Variants in PDK1 observed in about 807,000 individuals in gnomAD.
The protein encoded by PDK1 is [Pyruvate dehydrogenase (acetyl-transferring)] kinase isozyme 1, mitochondrial.
PDK1 carries 39 observed loss-of-function variants against 54.2 expected under a neutral mutation model. The observed-to-expected ratio is 0.72, with a 90% CI of 0.56 to 0.94. PDK1 has a LOEUF of 0.94. Ranked by LOEUF, PDK1 falls within the 40% of genes least tolerant of loss-of-function variation. The pLI is 0.00. For missense variants in PDK1, 552 were observed against 566.0 expected (o/e 0.98, Z 0.25); for synonymous variants, 221 against 207.1 (o/e 1.07, Z -0.58).
chr2:172,578,586 T>G (rs1048328693), intron 8 of PDK1, among the ~76,000 whole-genome samples: 1 of 152,196 alleles, frequency 6.6e-6, no homozygotes, highest in South Asian at 2.1e-4. Context: ...ATTGACTGAT[T>G]TTTCCTTGCC....
the PDK1 span, among the ~76,000 whole-genome samples, chr2:172,720,556 T>G: frequency 1.6e-3 from 241 of 152,298 alleles, 1 homozygote; most frequent in Non-Finnish European, 2.9e-3. Flanking sequence ...TTTGTTCCTG[T>G]GTGATCCTAC....
At chr2:172,584,509 C>T (rs970372793) in intron 8 of PDK1, among the ~76,000 whole-genome samples, 8 of 151,320 alleles carry the variant, frequency 5.3e-5, no homozygotes, top group Non-Finnish European at 1.0e-4. Context: ...TTAACTAATC[C>T]CCTATTTAGG....
At chr2:172,664,432 G>C in the PDK1 span, among the ~76,000 whole-genome samples, 2 of 151,202 alleles carry the variant, frequency 1.3e-5, no homozygotes, top group African/African-American at 4.9e-5. Flanking sequence ...GGAGGCTTGA[G>C]AGTTTCATTC....
At chr2:172,653,416 A>G in the PDK1 span, among the ~76,000 whole-genome samples, 1 of 152,126 alleles carries the variant, frequency 6.6e-6, no homozygotes, top group Non-Finnish European at 1.5e-5. Flanking sequence ...CAGCCTGGCC[A>G]ACATGGTGAA....
chr2:172,556,797 G>A (rs1688358879), intron 1 of PDK1, among the ~76,000 whole-genome samples: 1 of 152,138 alleles, frequency 6.6e-6, no homozygotes, highest in Non-Finnish European at 1.5e-5. Flanking sequence ...ATTATAACTG[G>A]CCCAGGGTTT....
intron 8 of PDK1, among the ~76,000 whole-genome samples, chr2:172,576,645 A>G (rs1039943507): frequency 2.2e-4 from 33 of 152,158 alleles, no homozygotes; most frequent in African/African-American, 7.7e-4. Flanking sequence ...TGCTTTGTCT[A>G]TCTTACAAGT....
chr2:172,712,566 G>C, the PDK1 span, among the ~76,000 whole-genome samples: 2 of 152,222 alleles, frequency 1.3e-5, no homozygotes, highest in Admixed American at 1.3e-4. Flanking sequence ...CATGAGTGCT[G>C]GCTTCCTGCT....
the PDK1 span, among the ~76,000 whole-genome samples, chr2:172,625,851 C>G: frequency 6.6e-6 from 1 of 152,124 alleles, no homozygotes; most frequent in Non-Finnish European, 1.5e-5. Flanking sequence ...GTATACGTAT[C>G]TATGTCATAT....
intron 2 of PDK1, among the ~76,000 whole-genome samples, 191 bp from the exon 3 acceptor site, chr2:172,562,029 C>T (rs1168948663): frequency 6.6e-6 from 1 of 152,132 alleles, no homozygotes; most frequent in Non-Finnish European, 1.5e-5. Flanking sequence ...AAAATGTGCA[C>T]CTTCTACCAT....
Position 172,589,145 on chromosome 2 carries a change from C to T in PDK1, c.1056+2757C>T, listed in dbSNP as rs186881496. 3.7e-3 allele frequency among the ~76,000 whole-genome samples: 558 copies of T among 152,274 alleles called. 5 individuals carry two copies. Among genetic ancestry groups the T allele is most frequent in the South Asian group, 0.035 (167 of 4,824 alleles). On this transcript the variant is annotated intron_variant, in intron 9 of 10. Coordinates refer to ENST00000282077, the MANE Select transcript of PDK1 (RefSeq NM_002610.5). ...CCATAAGTATGGTCAAGAGAGAGCA[C>T]GTGGTAAAGTAGGTCAGGTATCATG...
chr2:172,696,086 T>C, the PDK1 span, among the ~76,000 whole-genome samples: 3 of 151,124 alleles, frequency 2.0e-5, no homozygotes, highest in East Asian at 3.9e-4. Context: ...GGCACGAGAA[T>C]TCCTTGAACA....
intron 5 of PDK1, among the ~76,000 whole-genome samples, chr2:172,565,613 C>T (rs1688896491): frequency 6.6e-6 from 1 of 152,078 alleles, no homozygotes; most frequent in Non-Finnish European, 1.5e-5. Context: ...GGGTATCTTT[C>T]ACTTAAAAAA....
At chr2:172,695,809 C>G in the PDK1 span, among the ~76,000 whole-genome samples, 1 of 152,012 alleles carries the variant, frequency 6.6e-6, no homozygotes, top group African/African-American at 2.4e-5. Flanking sequence ...AAGATGTCCT[C>G]CAGGCAGCAA....
chr2:172,619,974 G>A, the PDK1 span, among the ~76,000 whole-genome samples: 8 of 152,254 alleles, frequency 5.3e-5, no homozygotes, highest in South Asian at 1.7e-3. Flanking sequence ...AGACCAGCCT[G>A]GCCAACATGG....
chr2:172,611,634 A>G (rs1157786878), downstream of PDK1, among the ~76,000 whole-genome samples: 1 of 152,222 alleles, frequency 6.6e-6, no homozygotes, highest in African/African-American at 2.4e-5. Flanking sequence ...TTTCTCATGA[A>G]CTTAGAGGCA....
chr2:172,566,086 T>C (rs1558931002), intron 5 of PDK1, among the ~76,000 whole-genome samples: 2 of 152,092 alleles, frequency 1.3e-5, no homozygotes, highest in Non-Finnish European at 2.9e-5. Context: ...TGGATAAGAG[T>C]GTTTCCTAAC....
the PDK1 span, among the ~76,000 whole-genome samples, chr2:172,687,841 AG>A: frequency 1.3e-5 from 2 of 152,196 alleles, no homozygotes; most frequent in Non-Finnish European, 2.9e-5. Context: ...TGCCCCGACA[AG>A]ATGGGGACTC....
the PDK1 span, among the ~76,000 whole-genome samples, chr2:172,678,688 G>T: frequency 4.6e-5 from 7 of 152,130 alleles, no homozygotes; most frequent in Non-Finnish European, 5.9e-5. Flanking sequence ...TTTAAGAAAG[G>T]TGCCACTGGA....
rs78506863 is a variant in PDK1 at position 172,565,406 on chromosome 2, C to T, written c.691+333C>T. ...GCAGCCTCTGCCTCCTGAGTTCAAG[C>T]GATTGTCTTGCCTCAGCCTCCCCAG... On this transcript the variant is annotated intron_variant, in intron 5 of 10. Transcript: ENST00000282077. 8.5e-5 allele frequency among the ~76,000 whole-genome samples: 13 copies of T among 152,256 alleles called. No homozygotes were observed. The East Asian group carries it at 1.7e-3, about 20-fold the overall frequency.
Sources: allele counts gnomAD v4.1 joint callset (sites outside exome capture counted in the v4.1 genomes callset), GRCh38; gene constraint gnomAD v4.1.1; transcripts MANE v1.5; gene names NCBI Gene and HGNC (gene_info 2026-07-23, HGNC 2026-07-21).